DCUN1D1: variants seen among roughly 807,000 people sequenced by gnomAD.
The protein encoded by DCUN1D1 is DCN1-like protein 1.
DCUN1D1 carries 3 observed loss-of-function variants against 39.0 expected under a neutral mutation model. The ratio of observed to expected loss-of-function variants is 0.08; its 90% CI spans 0.04 to 0.20. The LOEUF is 0.20. Among genes scored for constraint, DCUN1D1 ranks in the 10% least tolerant of loss-of-function variants. The probability of loss-of-function intolerance (pLI) is 1.00; values close to 1 mark genes in which losing one functional copy is unlikely to be tolerated. For missense variants in DCUN1D1, 158 were observed against 302.4 expected, an observed-to-expected ratio of 0.52 and a Z score of 3.54; for synonymous variants, 82 against 96.3, an observed-to-expected ratio of 0.85 and a Z score of 0.87.
intron 1 of DCUN1D1, among the ~76,000 whole-genome samples, chr3:182,975,158 A>G (rs866005028): frequency 1.3e-5 from 2 of 151,904 alleles, no homozygotes; most frequent in African/African-American, 4.8e-5. Flanking sequence ...AAACTTTTTT[A>G]AAAAAATTAA....
At chr3:182,962,944 C>G (rs370586844) in intron 3 of DCUN1D1, among the ~76,000 whole-genome samples, 1 of 152,090 alleles carries the variant, frequency 6.6e-6, no homozygotes, top group African/African-American at 2.4e-5. Flanking sequence ...CTATGCCCAG[C>G]TAATTTTGTA....
At chr3:182,955,721 C>T (rs1246895196) in intron 4 of DCUN1D1, 10 of 321,198 alleles carry the variant, frequency 3.1e-5, no homozygotes, top group African/African-American at 8.9e-5. Context: ...GCTGGGATTA[C>T]AGGCACCCAC....
At chr3:182,975,429 G>GC (rs1349230931) in intron 1 of DCUN1D1, among the ~76,000 whole-genome samples, 3 of 151,912 alleles carry the variant, frequency 2.0e-5, no homozygotes, top group Admixed American at 6.6e-5. Context: ...GCCCGCCTCA[G>GC]CCCCCCGAAG....
At chr3:182,968,766 A>T (rs1727794130) in intron 1 of DCUN1D1, among the ~76,000 whole-genome samples, 1 of 151,906 alleles carries the variant, frequency 6.6e-6, no homozygotes, top group Non-Finnish European at 1.5e-5. Flanking sequence ...CGCCCAGCTG[A>T]TTTTTGTATT....
chr3:182,969,008 T>TAC (rs1282524396), intron 1 of DCUN1D1, among the ~76,000 whole-genome samples: 1 of 152,194 alleles, frequency 6.6e-6, no homozygotes, highest in East Asian at 1.9e-4. Context: ...CCATAAAGGC[T>TAC]ACTGAGTTCT....
At chr3:182,968,846 C>A (rs992651140) in intron 1 of DCUN1D1, among the ~76,000 whole-genome samples, 1 of 152,056 alleles carries the variant, frequency 6.6e-6, no homozygotes, top group Non-Finnish European at 1.5e-5. Context: ...GTGATCCAAC[C>A]GCCTCAGCCT....
Position 182,944,541 on chromosome 3 carries a change from A to C in DCUN1D1, c.*553T>G, listed in dbSNP as rs1177910866. 6.6e-6 allele frequency: 1 copy of C among 152,264 alleles called. No individual in the cohort carries two copies. The highest frequency in any genetic ancestry group is 1.5e-5 in the Non-Finnish European group (1 of 67,922). The allele number at this position is 152,264 out of a possible 1,614,324, so 9.4% of individuals were successfully genotyped here. A position where few individuals can be genotyped will look rare whatever the true frequency, so the allele number is the denominator to read the frequency against. ...TTTTCATCAGATACTCACATCAACAACACATGTGATTTGCCAGGAAAAAAA... is the reference window on the plus strand; with the variant it reads ...TTTTCATCAGATACTCACATCAACACCACATGTGATTTGCCAGGAAAAAAA... On this transcript the variant is annotated 3_prime_UTR_variant, in exon 7 of 7. Transcript: ENST00000292782.
At chr3:182,946,780 G>T (rs1201946570) in intron 6 of DCUN1D1, among the ~76,000 whole-genome samples, 1 of 152,044 alleles carries the variant, frequency 6.6e-6, no homozygotes, top group African/African-American at 2.4e-5. Context: ...AATATGGATT[G>T]GTAAATGTAT....
At chr3:182,983,723 G>A (rs571747244), upstream of DCUN1D1, among the ~76,000 whole-genome samples, 139 of 151,832 alleles carry the variant, frequency 9.2e-4, no homozygotes, top group African/African-American at 3.0e-3. Flanking sequence ...AAAAAAAAAA[G>A]AGATTCCCTA....
At chr3:182,981,953 C>T (rs1577211078), upstream of DCUN1D1, among the ~76,000 whole-genome samples, 1 of 152,240 alleles carries the variant, frequency 6.6e-6, no homozygotes, top group African/African-American at 2.4e-5. Context: ...CTGCCTCATG[C>T]AGCAAGCCTG....
chr3:182,981,524 G>A (rs192213531), upstream of DCUN1D1, among the ~76,000 whole-genome samples: 1 of 152,276 alleles, frequency 6.6e-6, no homozygotes, highest in East Asian at 1.9e-4. Context: ...GTAGTATCCA[G>A]TTGGAGAGAT....
In DCUN1D1 at chr3:182,963,988, T is replaced by C; in HGVS notation, c.282A>G (p.Ala94=). The change falls in exon 3 of 7, where the codon GCA becomes GCG. Residue 94 remains alanine (A), a synonymous_variant. Transcript: ENST00000292782. ...ACACACTAATGCTGGCTGGATCGAGTGCCAGGTCATCACAGAACTGCTGTA... is the reference window on the plus strand; with the variant it reads ...ACACACTAATGCTGGCTGGATCGAGCGCCAGGTCATCACAGAACTGCTGTA... ...DGIQQFCDDL[A]LDPASISVLI... The C allele has an allele frequency of 6.2e-6, 10 of 1,614,092 alleles. No individual in the cohort carries two copies. Among genetic ancestry groups the C allele is most frequent in the Non-Finnish European group, 8.5e-6 (10 of 1,179,966 alleles).
intron 5 of DCUN1D1, 45 bp from the exon 6 acceptor site, chr3:182,947,379 A>T (rs772721036): frequency 7.3e-7 from 1 of 1,363,884 alleles, no homozygotes; most frequent in South Asian, 1.3e-5. Context: ...CACTAAAAAG[A>T]GCTGCACAAA....
At chr3:182,951,006 CAAAAAAAAA>C (rs56919089) in intron 4 of DCUN1D1, 158 of 46,782 alleles carry the variant, frequency 3.4e-3, no homozygotes, top group African/African-American at 0.011. Context: ...AACTCTGTCT[CAAAAAAAAA>C]AAAAAAAAAA....
chr3:182,973,503 T>C (rs998934537), intron 1 of DCUN1D1, among the ~76,000 whole-genome samples: 1 of 152,148 alleles, frequency 6.6e-6, no homozygotes, highest in African/African-American at 2.4e-5. Flanking sequence ...ATTATGGCAA[T>C]CTACCTTTCA....
At chr3:182,985,631 GA>G in intron 1 of DCUN1D1, 1 of 152,048 alleles carries the variant, frequency 6.6e-6, no homozygotes. Context: ...CTCTGTCTCA[GA>G]AAATAAAAAA....
At chr3:182,967,390 A>C (rs1253423223) in intron 1 of DCUN1D1, among the ~76,000 whole-genome samples, 2 of 152,140 alleles carry the variant, frequency 1.3e-5, no homozygotes, top group East Asian at 3.8e-4. Context: ...CTTGCTGTAC[A>C]TATTTACATA....
intron 4 of DCUN1D1, among the ~76,000 whole-genome samples, chr3:182,957,772 C>T (rs1232637734): frequency 6.6e-6 from 1 of 151,536 alleles, no homozygotes; most frequent in Non-Finnish European, 1.5e-5. Context: ...TCCAGCTCCA[C>T]AAGAAATTAA....
intron 4 of DCUN1D1, 152 bp downstream of exon 4, chr3:182,961,074 T>G: frequency 1.7e-6 from 1 of 584,950 alleles, no homozygotes; most frequent in Non-Finnish European, 2.9e-6. Context: ...TGGTATTTTC[T>G]GATTAAAAAT....
Sources: allele counts gnomAD v4.1 joint callset (sites outside exome capture counted in the v4.1 genomes callset), GRCh38; gene constraint gnomAD v4.1.1; transcripts MANE v1.5; gene names NCBI Gene and HGNC (gene_info 2026-07-23, HGNC 2026-07-21).